The following PPP2R5C variants were observed in gnomAD, a reference collection of about 807,000 sequenced individuals.
PPP2R5C encodes protein phosphatase 2 regulatory subunit B'gamma, also known as serine/threonine-protein phosphatase 2A 56 kDa regulatory subunit gamma isoform.
A neutral mutation model predicts 68.9 loss-of-function variants in PPP2R5C; 7 were observed. The ratio of observed to expected loss-of-function variants is 0.10; its 90% CI spans 0.06 to 0.19. PPP2R5C has a LOEUF of 0.19. Among genes scored for constraint, PPP2R5C ranks in the 10% least tolerant of loss-of-function variants. The probability of loss-of-function intolerance (pLI) is 1.00; values close to 1 mark genes in which losing one functional copy is unlikely to be tolerated. For missense variants in PPP2R5C, 348 were observed against 641.3 expected, an observed-to-expected ratio of 0.54 and a Z score of 4.94; for synonymous variants, 210 against 222.2, an observed-to-expected ratio of 0.95 and a Z score of 0.49.
At chr14:101,832,426 T>A (rs1206183868) in intron 1 of PPP2R5C, among the ~76,000 whole-genome samples, 2 of 152,186 alleles carry the variant, frequency 1.3e-5, no homozygotes, top group African/African-American at 4.8e-5. Context: ...AGGACAGGGC[T>A]TAGTAAAAAG....
chr14:101,773,606 G>A (rs989193822), intron 2 of PPP2R5C, among the ~76,000 whole-genome samples: 1 of 152,178 alleles, frequency 6.6e-6, no homozygotes, highest in African/African-American at 2.4e-5. Flanking sequence ...GATGGAGGTA[G>A]GGAGCCGAGC....
chr14:101,826,927 TTC>T (rs1481137356), intron 1 of PPP2R5C, among the ~76,000 whole-genome samples: 1 of 152,074 alleles, frequency 6.6e-6, no homozygotes, highest in African/African-American at 2.4e-5. Context: ...GAATTTAGTA[TTC>T]TGTTTCATGA....
intron 2 of PPP2R5C, among the ~76,000 whole-genome samples, chr14:101,863,259 G>C (rs1008152709): frequency 2.0e-5 from 3 of 151,732 alleles, no homozygotes; most frequent in African/African-American, 7.3e-5. Context: ...AGCGAGCCGA[G>C]ATTGAGCCAC....
intron 3 of PPP2R5C, among the ~76,000 whole-genome samples, chr14:101,792,440 C>T (rs1023757626): frequency 3.9e-5 from 6 of 152,160 alleles, no homozygotes; most frequent in African/African-American, 1.2e-4. Context: ...GTTTCACTAG[C>T]GAATTCAACA....
At chr14:101,896,986 C>T (rs1222231474) in intron 8 of PPP2R5C, among the ~76,000 whole-genome samples, 1 of 151,920 alleles carries the variant, frequency 6.6e-6, no homozygotes, top group Non-Finnish European at 1.5e-5. Context: ...CCCTCCATTT[C>T]ACCCACAAAA....
chr14:101,868,946 C>A (rs1469769211), intron 2 of PPP2R5C, among the ~76,000 whole-genome samples: 4 of 152,076 alleles, frequency 2.6e-5, no homozygotes, highest in Non-Finnish European at 5.9e-5. Flanking sequence ...GAGACGGAGT[C>A]TCTGTTGCCT....
At chr14:101,762,417 C>G (rs1219757671) in intron 1 of PPP2R5C, among the ~76,000 whole-genome samples, 1 of 152,018 alleles carries the variant, frequency 6.6e-6, no homozygotes. Flanking sequence ...CTCTGCCGCC[C>G]CGGAGGGACG....
At chr14:101,859,789 C>T (rs2042649382) in intron 2 of PPP2R5C, among the ~76,000 whole-genome samples, 1 of 152,154 alleles carries the variant, frequency 6.6e-6, no homozygotes, top group Non-Finnish European at 1.5e-5. Flanking sequence ...AGCTCTGCAG[C>T]TTAGAGCCCC....
At chr14:101,795,228 A>G (rs901254436) in intron 3 of PPP2R5C, among the ~76,000 whole-genome samples, 1 of 152,242 alleles carries the variant, frequency 6.6e-6, no homozygotes, top group Non-Finnish European at 1.5e-5. Context: ...ATCAAAGAGC[A>G]GGCATTTTCA....
rs528681188 is a variant in PPP2R5C at position 101,835,770 on chromosome 14, G to C, written c.95-20916G>C. ...CTGCACAGCCGTCCCCTCACGGGGT[G>C]CCTCTTGCCCTTGCAGATCACCAGG... On this transcript the variant is annotated intron_variant, in intron 1 of 13. Coordinates refer to ENST00000334743, the Ensembl canonical transcript of PPP2R5C. The surrounding 1 kb of genome is among the most constrained non-coding windows in gnomAD (Gnocchi z 5.0). Among the ~76,000 whole-genome samples, 221 of 152,322 alleles carry C rather than the reference G, an allele frequency of 1.5e-3. No individual in the cohort carries two copies. The highest frequency in any genetic ancestry group is 5.0e-3 in the African/African-American group (209 of 41,556).
At chr14:101,912,636 G>T in intron 12 of PPP2R5C, 163 bp downstream of exon 14, 2 of 1,298,470 alleles carry the variant, frequency 1.5e-6, no homozygotes, top group East Asian at 3.0e-5. Flanking sequence ...CCCTCCTTTT[G>T]TACAAGTACT....
chr14:101,895,056 C>T (rs1234395301), intron 8 of PPP2R5C, among the ~76,000 whole-genome samples: 3 of 152,068 alleles, frequency 2.0e-5, no homozygotes, highest in Non-Finnish European at 4.4e-5. Context: ...CTGTTCTGTG[C>T]GTGGATCTGT....
chr14:101,873,601 C>A (rs1220112154), intron 2 of PPP2R5C, among the ~76,000 whole-genome samples: 1 of 152,144 alleles, frequency 6.6e-6, no homozygotes, highest in African/African-American at 2.4e-5. Context: ...TCTCACTAAT[C>A]CTTTCAGGTG....
chr14:101,790,244 G>A (rs1353545089), intron 3 of PPP2R5C, among the ~76,000 whole-genome samples: 1 of 152,066 alleles, frequency 6.6e-6, no homozygotes, highest in Non-Finnish European at 1.5e-5. Flanking sequence ...TCAAGTCATA[G>A]GTTTTTCTTT....
intron 2 of PPP2R5C, among the ~76,000 whole-genome samples, chr14:101,763,785 T>G (rs1057246683): frequency 2.0e-5 from 3 of 152,202 alleles, no homozygotes; most frequent in Non-Finnish European, 4.4e-5. Flanking sequence ...GCTTTTAGCT[T>G]TAGGGTCATC....
chr14:101,848,897 T>G (rs984867845), intron 1 of PPP2R5C, among the ~76,000 whole-genome samples: 1 of 152,194 alleles, frequency 6.6e-6, no homozygotes, highest in African/African-American at 2.4e-5. Flanking sequence ...AAATGTGTAG[T>G]GAATAATTAT....
In PPP2R5C at chr14:101,833,897, G is replaced by T. The variant is rs141065727; in HGVS notation, c.95-22789G>T. ...GCTCACTGCAACCTCTGCCTCCAGG[G>T]TTCAAGTGATTCTCCTGCCACAGCC... On this transcript the variant is annotated intron_variant, in intron 1 of 13. Coordinates refer to ENST00000334743, the Ensembl canonical transcript of PPP2R5C. Among the ~76,000 whole-genome samples, 1,133 of 152,268 alleles carry T rather than the reference G, an allele frequency of 7.4e-3. 20 individuals carry two copies. The highest frequency in any genetic ancestry group is 0.026 in the African/African-American group (1,061 of 41,536).
At chr14:101,833,925 C>G (rs2040920575) in intron 1 of PPP2R5C, among the ~76,000 whole-genome samples, 1 of 152,188 alleles carries the variant, frequency 6.6e-6, no homozygotes, top group Non-Finnish European at 1.5e-5. Flanking sequence ...CCACAGCCTC[C>G]CATGTAGCTG....
chr14:101,821,092 AATAAAAT>A (rs1261747181), intron 1 of PPP2R5C: 2 of 148,904 alleles, frequency 1.3e-5, no homozygotes, highest in African/African-American at 5.1e-5. Flanking sequence ...TAAAAAAAAA[AATAAAAT>A]AAAAATAAAA....
Sources: allele counts gnomAD v4.1 joint callset (sites outside exome capture counted in the v4.1 genomes callset), GRCh38; gene constraint gnomAD v4.1.1; non-coding constraint Gnocchi (gnomAD v3.1); transcripts MANE v1.5; gene names NCBI Gene and HGNC (gene_info 2026-07-23, HGNC 2026-07-21).